The following MGAT5B variants were observed in gnomAD, a reference collection of about 807,000 sequenced individuals.
MGAT5B encodes N-acetylglucosaminyl-transferase Vb.
Under a neutral mutation model 95.1 loss-of-function variants are expected in MGAT5B, and 54 were observed. That is an observed-to-expected ratio of 0.57 (90% CI 0.46 to 0.71). The LOEUF is 0.71. Among genes scored for constraint, MGAT5B ranks in the 30% least tolerant of loss-of-function variants. The probability of loss-of-function intolerance (pLI) is 0.00; values close to 1 mark genes in which losing one functional copy is unlikely to be tolerated. For synonymous variants in MGAT5B, 464 were observed against 451.0 expected, an observed-to-expected ratio of 1.03 and a Z score of -0.36; for missense variants, 935 against 1,088.6, an observed-to-expected ratio of 0.86 and a Z score of 1.99.
intron 8 of MGAT5B, among the ~76,000 whole-genome samples, chr17:76,922,499 T>C (rs1432863999): frequency 6.6e-6 from 1 of 152,230 alleles, no homozygotes; most frequent in Non-Finnish European, 1.5e-5. Context: ...AAGTCCATGC[T>C]TCACAGGAAA....
rs1309945266 is a variant in MGAT5B at position 76,916,924 on chromosome 17, C to T, written c.1026-8042C>T. On this transcript the variant is annotated intron_variant, in intron 8 of 17. Coordinates refer to ENST00000569840, the MANE Select transcript of MGAT5B (RefSeq NM_001199172.2). This position sits in a 1 kb window ranked among gnomAD's most constrained non-coding sequence, Gnocchi z 5.3. The stretch of plus-strand genomic sequence containing the variant: ...GGGAAGGGTCAAACTCAGGGGTTCC[C>T]GCCTCTTAGAAACTGGGGCCAGGGC... 1.3e-5 allele frequency among the ~76,000 whole-genome samples: 2 copies of T among 152,166 alleles called. No individual in the cohort carries two copies. The highest frequency in any genetic ancestry group is 2.4e-5 in the African/African-American group (1 of 41,522).
chr17:76,931,258 G>C (rs554758503), intron 10 of MGAT5B, among the ~76,000 whole-genome samples: 2 of 152,144 alleles, frequency 1.3e-5, no homozygotes, highest in African/African-American at 4.8e-5. Context: ...CACCACACCC[G>C]GTTAATGTTT....
At chr17:76,936,376 C>G (rs1045440273) in intron 12 of MGAT5B, among the ~76,000 whole-genome samples, 12 of 152,128 alleles carry the variant, frequency 7.9e-5, no homozygotes, top group Non-Finnish European at 1.6e-4. Context: ...CCACTGCACT[C>G]CAGCCTGGGC....
intron 5 of MGAT5B, among the ~76,000 whole-genome samples, chr17:76,903,835 T>C (rs1968415057): frequency 6.6e-6 from 1 of 152,200 alleles, no homozygotes; most frequent in African/African-American, 2.4e-5. Context: ...TTGGTGACCA[T>C]CTGGGATCAC....
intron 13 of MGAT5B, among the ~76,000 whole-genome samples, chr17:76,939,222 A>G (rs929952777): frequency 2.7e-5 from 4 of 150,376 alleles, no homozygotes; most frequent in Non-Finnish European, 4.4e-5. Flanking sequence ...AATTTTGGCC[A>G]GGTGCGGTGG....
At chr17:76,884,297 G>A (rs923010641) in intron 3 of MGAT5B, among the ~76,000 whole-genome samples, 46 of 152,340 alleles carry the variant, frequency 3.0e-4, no homozygotes, top group Admixed American at 2.5e-3. Context: ...AGCTGTAAGA[G>A]GCTGGACTTG....
chr17:76,881,747 G>C (rs762707269), intron 2 of MGAT5B, among the ~76,000 whole-genome samples: 1 of 152,192 alleles, frequency 6.6e-6, no homozygotes, highest in Non-Finnish European at 1.5e-5. Context: ...TACCGTTTGG[G>C]GGCTCTGGGG....
In MGAT5B at chr17:76,924,851, GTC is replaced by G. The variant is rs1598972711; in HGVS notation, c.1026-113_1026-112del. On this transcript the variant is annotated intron_variant, in intron 8 of 17. Transcript: ENST00000569840. ...CATCCTGCTCACTTCCTTTCTGAGA[GTC>G]TGTGCTAAGCTCTCTGCACTTGTAC... 5.3e-6 allele frequency: 7 copies of G among 1,315,192 alleles called. No individual in the cohort carries two copies. In the Admixed American group the frequency reaches 9.7e-5, roughly 18 times the overall value. The allele number at this position is 1,315,192 out of a possible 1,614,324, so 81.5% of individuals were successfully genotyped here.
chr17:76,926,217 C>T (rs946946843), intron 9 of MGAT5B, among the ~76,000 whole-genome samples: 1 of 152,156 alleles, frequency 6.6e-6, no homozygotes, highest in African/African-American at 2.4e-5. Context: ...TGACTCCCTA[C>T]CCAGGCAGAT....
chr17:76,868,930 T>TCGGCC lies in MGAT5B; in HGVS notation c.-97_-93dup. 8.4e-7 allele frequency: 1 copy of TCGGCC among 1,192,570 alleles called. No individual in the cohort carries two copies. The highest frequency in any genetic ancestry group is 1.2e-6 in the Non-Finnish European group (1 of 831,476). 73.9% of individuals were successfully genotyped at this position (1,192,570 alleles called of 1,614,324 possible). ...CTCCCAGCTTCGCTCGGACGCGGCT[T>TCGGCC]CGGCCCGCAGAGGGTTCGTGGCCCG... is the stretch of plus-strand genomic sequence containing the variant. On this transcript the variant is annotated 5_prime_UTR_variant, in exon 1 of 18. Transcript: ENST00000569840. The surrounding 1 kb of genome is among the most constrained non-coding windows in gnomAD (Gnocchi z 6.3).
intron 3 of MGAT5B, among the ~76,000 whole-genome samples, chr17:76,890,961 C>CTTTTT (rs150133278): frequency 2.7e-5 from 3 of 111,648 alleles, no homozygotes; most frequent in Non-Finnish European, 5.2e-5. Flanking sequence ...CTCTGGGGGC[C>CTTTTT]TTTTTTTTTT....
At chr17:76,891,089 T>C (rs1314089218) in intron 3 of MGAT5B, among the ~76,000 whole-genome samples, 8 of 151,114 alleles carry the variant, frequency 5.3e-5, no homozygotes, top group African/African-American at 2.0e-4. Flanking sequence ...CTCAGCCTCC[T>C]GAGTAGCTGG....
chr17:76,915,299 G>A lies in MGAT5B; in HGVS notation c.1025+9112G>A, dbSNP rs1968887280. Among the ~76,000 whole-genome samples the A allele has an allele frequency of 6.8e-6, 1 of 147,748 alleles. No homozygotes were observed. Among genetic ancestry groups the A allele is most frequent in the Non-Finnish European group, 1.5e-5 (1 of 66,748 alleles). On this transcript the variant is annotated intron_variant, in intron 8 of 17. Coordinates refer to ENST00000569840, the MANE Select transcript of MGAT5B (RefSeq NM_001199172.2). This position sits in a 1 kb window ranked among gnomAD's most constrained non-coding sequence, Gnocchi z 8.7. The stretch of plus-strand genomic sequence containing the variant: ...CTGCCCTGAGAGGAGAGAAGGAGAA[G>A]AGACCAGGGTATACTGTAAATGCAG...
chr17:76,869,545 AC>A lies in MGAT5B; in HGVS notation c.68+454del, dbSNP rs1966916785. ...CCGCCCGTCTGCCCCTAGGTCGGCT[AC>A]CCCCCAACCCCTCCGCCTGTGCCAC... On this transcript the variant is annotated intron_variant, in intron 1 of 17. Coordinates refer to ENST00000569840, the MANE Select transcript of MGAT5B (RefSeq NM_001199172.2). This position sits in a 1 kb window ranked among gnomAD's most constrained non-coding sequence, Gnocchi z 7.0. 6.6e-6 allele frequency among the ~76,000 whole-genome samples: 1 copy of A among 150,780 alleles called. No individual in the cohort carries two copies.
intron 3 of MGAT5B, chr17:76,882,628 A>C: frequency 4.6e-6 from 1 of 218,448 alleles, no homozygotes; most frequent in Non-Finnish European, 8.9e-6. Context: ...TTTAACACAC[A>C]CACATTATAA....
At chr17:76,941,668 T>G (rs1358743776) in intron 15 of MGAT5B, among the ~76,000 whole-genome samples, 1 of 152,232 alleles carries the variant, frequency 6.6e-6, no homozygotes, top group African/African-American at 2.4e-5. Flanking sequence ...GAGAGCAGCC[T>G]GGCCAACATG....
chr17:76,922,417 G>C (rs1043544345), intron 8 of MGAT5B, among the ~76,000 whole-genome samples: 2 of 152,220 alleles, frequency 1.3e-5, no homozygotes, highest in African/African-American at 4.8e-5. Context: ...GGGGACTTCT[G>C]GAGCCCCAGG....
In MGAT5B at chr17:76,915,723, C is replaced by T. The variant is rs1968906987; in HGVS notation, c.1026-9243C>T. Among the ~76,000 whole-genome samples the T allele has an allele frequency of 6.6e-6, 1 of 152,352 alleles. No homozygotes were observed. Among genetic ancestry groups the T allele is most frequent in the Middle Eastern group, 3.4e-3 (1 of 292 alleles). ...AATGGCAGCTCTCCTGCATCACCCT[C>T]CCCGTTCCAAGAGGAGGCACGAGAG... On this transcript the variant is annotated intron_variant, in intron 8 of 17. Coordinates refer to ENST00000569840, the MANE Select transcript of MGAT5B (RefSeq NM_001199172.2). This position sits in a 1 kb window ranked among gnomAD's most constrained non-coding sequence, Gnocchi z 8.7.
intron 8 of MGAT5B, chr17:76,923,830 T>TG (rs1440746151): frequency 6.6e-6 from 1 of 152,068 alleles, no homozygotes; most frequent in Admixed American, 6.6e-5. Context: ...AGGGGGTGTT[T>TG]GGGGAAGCGG....
Sources: gnomAD v4.1 joint callset for allele counts (sites outside exome capture counted in the v4.1 genomes callset) on GRCh38, gnomAD v4.1.1 for gene constraint, Gnocchi (gnomAD v3.1) non-coding constraint, MANE v1.5 for transcripts, NCBI Gene and HGNC (gene_info 2026-07-23, HGNC 2026-07-21) for gene names.